Variants in TUBB4A observed in about 807,000 individuals in gnomAD.
TUBB4A encodes tubulin beta-4A chain.
In TUBB4A, 13 loss-of-function variants were observed where a neutral mutation model predicts 35.1. The observed-to-expected ratio is 0.37, with a 90% CI of 0.24 to 0.59. TUBB4A has a LOEUF of 0.59. TUBB4A is among the 20% of genes least tolerant of loss of function. The pLI is 0.71. For missense variants in TUBB4A, 299 were observed against 647.2 expected, an observed-to-expected ratio of 0.46 and a Z score of 5.84; for synonymous variants, 279 against 272.4, an observed-to-expected ratio of 1.02 and a Z score of -0.24.
rs557747150 is a variant in TUBB4A, at chr19:6,501,354, G to A, written c.210C>T (p.Pro70=). The change falls in exon 3 of 4, where the codon CCC becomes CCT. Residue 70 remains proline, a synonymous_variant. Transcript: ENST00000264071. The surrounding 1 kb of genome is among the most constrained non-coding windows in gnomAD (Gnocchi z 4.2). Reference sequence around the variant, plus strand: ...CAGAACGGACAGAGTCCATGGTGCCGGGTTCCAGGTCCACCAGCACCGCTC... The same window carrying A: ...CAGAACGGACAGAGTCCATGGTGCCAGGTTCCAGGTCCACCAGCACCGCTC... ...VPRAVLVDLE[P]GTMDSVRSGP... is the part of the protein sequence containing the mutation. 4.6e-5 allele frequency: 75 copies of A among 1,614,128 alleles called. No homozygotes were observed. The South Asian group carries it at 5.1e-4, about 11-fold the overall frequency.
Position 6,497,462 on chromosome 19 carries a change from C to T in TUBB4A, c.278-1241G>A, listed in dbSNP as rs185383043. Among the ~76,000 whole-genome samples the T allele has an allele frequency of 1.7e-3, 250 of 150,978 alleles. 2 individuals carry two copies. The highest frequency in any genetic ancestry group is 9.7e-4 in the Non-Finnish European group (66 of 67,760). On this transcript the variant is annotated intron_variant, in intron 3 of 3. Coordinates refer to ENST00000264071, the MANE Select transcript of TUBB4A (RefSeq NM_006087.4). The stretch of plus-strand genomic sequence containing the variant: ...TCTTTTTTTTGTAGAGGTGGGGTTT[C>T]GACATGTTGCCCAGGCTGTTCTTGA...
At chr19:6,499,851 G>A (rs913570601) in intron 3 of TUBB4A, among the ~76,000 whole-genome samples, 1 of 150,738 alleles carries the variant, frequency 6.6e-6, no homozygotes, top group African/African-American at 2.5e-5. Context: ...ACGCTGGGGT[G>A]CAGTGTCATG....
intron 3 of TUBB4A, among the ~76,000 whole-genome samples, chr19:6,499,799 T>C (rs1914445562): frequency 8.1e-6 from 1 of 122,772 alleles, no homozygotes; most frequent in Admixed American, 8.0e-5. Flanking sequence ...AGCTTCACAA[T>C]TTTTTTTTTT....
chr19:6,502,245 T>TGGCACGAGCGCGGGGAGCTGCGGCGGC lies in TUBB4A; in HGVS notation c.-60_-34dup. ...GCGCTGAGGGTGGACGCGGCGGCGG[T>TGGCACGAGCGCGGGGAGCTGCGGCGGC]GGCACGAGCGCGGGGAGCTGCGGCG... On this transcript the variant is annotated 5_prime_UTR_variant, in exon 1 of 4. Coordinates refer to ENST00000264071, the MANE Select transcript of TUBB4A (RefSeq NM_006087.4). The TGGCACGAGCGCGGGGAGCTGCGGCGGC allele has an allele frequency of 6.7e-7, 1 of 1,502,100 alleles. No homozygotes were observed. 93.0% of individuals were successfully genotyped at this position (1,502,100 alleles called of 1,614,324 possible). A position where few individuals can be genotyped will look rare whatever the true frequency, so the allele number is the denominator to read the frequency against.
In TUBB4A at chr19:6,495,510, A is replaced by C; in HGVS notation, c.989T>G (p.Met330Arg). 1 of 1,614,164 alleles carries C rather than the reference A, an allele frequency of 6.2e-7. No individual in the cohort carries two copies. Among genetic ancestry groups the C allele is most frequent in the Non-Finnish European group, 8.5e-7 (1 of 1,180,026 alleles). ...RMSMKEVDEQ[M>R]LSVQSKNSSY... Reference sequence around the variant, plus strand: ...GCTGTTCTTGCTCTGCACGCTCAGCATCTGCTCGTCCACCTCCTTCATGGA... The same window carrying C: ...GCTGTTCTTGCTCTGCACGCTCAGCCTCTGCTCGTCCACCTCCTTCATGGA... The change falls in exon 4 of 4, where the codon ATG becomes AGG. Residue 330 changes from methionine (M) to arginine (R), a missense_variant. By Grantham distance (91) the Met-to-Arg change is moderately conservative (BLOSUM62 -1). Transcript: ENST00000264071. This position sits in a 1 kb window ranked among gnomAD's most constrained non-coding sequence, Gnocchi z 8.7.
chr19:6,499,205 G>C (rs1914413865), intron 3 of TUBB4A, among the ~76,000 whole-genome samples: 1 of 152,040 alleles, frequency 6.6e-6, no homozygotes, highest in South Asian at 2.1e-4. Context: ...ATGCATGCCT[G>C]TAGTCCCAGC....
chr19:6,499,568 C>T (rs1392015784), intron 3 of TUBB4A, among the ~76,000 whole-genome samples: 4 of 152,292 alleles, frequency 2.6e-5, no homozygotes, highest in African/African-American at 4.8e-5. Context: ...GCCAGGAAAG[C>T]TTTCCCGGAA....
In TUBB4A at chr19:6,502,103, CGCGGTGCTCCCCGG is replaced by C. The variant is rs553380165; in HGVS notation, c.57+39_57+52del. On this transcript the variant is annotated intron_variant, in intron 1 of 3. Transcript: ENST00000264071. The stretch of plus-strand genomic sequence containing the variant: ...TGCGGGGTGCTCCGGGGACCGACCC[CGCGGTGCTCCCCGG>C]GGCCGCCACTGCCTCCCCGGGCCCC... 2.5e-5 allele frequency: 38 copies of C among 1,512,484 alleles called. No homozygotes were observed. In the East Asian group the frequency reaches 8.9e-4, roughly 35 times the overall value. The allele number at this position is 1,512,484 out of a possible 1,614,324, so 93.7% of individuals were successfully genotyped here. A position where few individuals can be genotyped will look rare whatever the true frequency, so the allele number is the denominator to read the frequency against.
chr19:6,499,544 T>C (rs1914431873), intron 3 of TUBB4A, among the ~76,000 whole-genome samples: 1 of 152,166 alleles, frequency 6.6e-6, no homozygotes, highest in South Asian at 2.1e-4. Context: ...GGTGGGGACA[T>C]GCAGCCAGCT....
Position 6,495,039 on chromosome 19 carries a change from A to T in TUBB4A, c.*125T>A. 8.9e-7 allele frequency: 1 copy of T among 1,125,564 alleles called. No individual in the cohort carries two copies. The highest frequency in any genetic ancestry group is 1.5e-5 in the South Asian group (1 of 65,052). 69.7% of individuals were successfully genotyped at this position (1,125,564 alleles called of 1,614,324 possible). On this transcript the variant is annotated 3_prime_UTR_variant, in exon 4 of 4. Transcript: ENST00000264071. The surrounding 1 kb of genome is among the most constrained non-coding windows in gnomAD (Gnocchi z 8.7). Reference sequence around the variant, plus strand: ...CAGAGGTAAAGCGAGCTCCAAAGGTATTGTTAGGGTCAGCGGGGAGTCAGC... The same window carrying T: ...CAGAGGTAAAGCGAGCTCCAAAGGTTTTGTTAGGGTCAGCGGGGAGTCAGC...
rs533670838 is a variant in TUBB4A at position 6,499,453 on chromosome 19, G to A, written c.277+1834C>T. The stretch of plus-strand genomic sequence containing the variant: ...AAAATGGAAGTAAGAGGCGAGTTGC[G>A]GAAAAGATTCAGAGAGGCAGGACAG... On this transcript the variant is annotated intron_variant, in intron 3 of 3. Transcript: ENST00000264071. 3.9e-5 allele frequency among the ~76,000 whole-genome samples: 6 copies of A among 152,156 alleles called. No individual in the cohort carries two copies. In the South Asian group the frequency reaches 8.3e-4, roughly 21 times the overall value.
Position 6,501,395 on chromosome 19 carries a change from C to T in TUBB4A, c.169G>A (p.Gly57Arg), listed in dbSNP as rs1171777736. The T allele has an allele frequency of 1.2e-6, 2 of 1,613,220 alleles. No homozygotes were observed. The highest frequency in any genetic ancestry group is 3.3e-5 in the Admixed American group (2 of 59,888). ...AGCACCGCTCTGGGGACATAATTTC[C>T]TCCTGCAGGGAAACAGATGGAGGGC... is the stretch of plus-strand genomic sequence containing the variant. ...INVYYNEATG[G>R]NYVPRAVLVD... is the part of the protein sequence containing the mutation. Residue 57 changes from glycine (G) to arginine (R), a missense_variant and splice_region_variant, in exon 3 of 4, where the codon GGA becomes AGA. Physicochemically the swap from Gly to Arg is moderately radical, Grantham distance 125. Coordinates refer to ENST00000264071, the MANE Select transcript of TUBB4A (RefSeq NM_006087.4). This position sits in a 1 kb window ranked among gnomAD's most constrained non-coding sequence, Gnocchi z 4.2.
At chr19:6,502,421 G>A (rs1914585905), upstream of TUBB4A, 1 of 550,600 alleles carries the variant, frequency 1.8e-6, no homozygotes. Flanking sequence ...GGGGGCTGGG[G>A]TGGGGGGAGG....
rs759818650 is a variant in TUBB4A, at chr19:6,495,383, C to T, written c.1116G>A (p.Thr372=). Reference sequence around the variant, plus strand: ...TGCGCTTGAACAGCTCCTGGATGGCCGTGCTGTTGCCGATGAAGGTCGCGG... The same window carrying T: ...TGCGCTTGAACAGCTCCTGGATGGCTGTGCTGTTGCCGATGAAGGTCGCGG... The part of the protein sequence containing the change: ...KMAATFIGNS[T]AIQELFKRIS... Residue 372 remains threonine (T), a synonymous_variant, in exon 4 of 4, where the codon ACG becomes ACA. Transcript: ENST00000264071. This position sits in a 1 kb window ranked among gnomAD's most constrained non-coding sequence, Gnocchi z 8.7. 16 of 1,613,898 alleles carry T rather than the reference C, an allele frequency of 9.9e-6. No individual in the cohort carries two copies. Among genetic ancestry groups the T allele is most frequent in the South Asian group, 8.8e-5 (8 of 91,072 alleles).
chr19:6,497,027 ATATATATATATATATAT>A (rs1568410546), intron 3 of TUBB4A, among the ~76,000 whole-genome samples: 43 of 15,972 alleles, frequency 2.7e-3, no homozygotes, highest in Non-Finnish European at 3.9e-3. Flanking sequence ...AAAAAAAAAT[ATATATATATATATATAT>A]ATATATATAT....
In TUBB4A at chr19:6,494,662, G is replaced by A. The variant is rs1347114553; in HGVS notation, c.*502C>T. On this transcript the variant is annotated 3_prime_UTR_variant, in exon 4 of 4. Coordinates refer to ENST00000264071, the MANE Select transcript of TUBB4A (RefSeq NM_006087.4). ...CATAGAGGGTGAAAGAGAAGTTGGA[G>A]TCAGAGGGGATTCAGAGATCAAAGA... The A allele has an allele frequency of 1.1e-5, 2 of 180,572 alleles. No individual in the cohort carries two copies. The highest frequency in any genetic ancestry group is 1.1e-4 in the Admixed American group (2 of 18,598). The allele number at this position is 180,572 out of a possible 1,614,324, so 11.2% of individuals were successfully genotyped here.
chr19:6,498,168 G>A (rs1253383099), intron 3 of TUBB4A, among the ~76,000 whole-genome samples: 10 of 146,918 alleles, frequency 6.8e-5, no homozygotes, highest in African/African-American at 2.0e-4. Flanking sequence ...CCGAGATCGC[G>A]CCACTGCACT....
In TUBB4A at chr19:6,501,279, G is replaced by C. The variant is rs754993316; in HGVS notation, c.277+8C>G. ...TTCCAGCCTCTGGCTCCCTGCTGGG[G>C]GACTCACCAAACACGAAGTTGTCCG... On this transcript the variant is annotated splice_region_variant and intron_variant, in intron 3 of 3. Transcript: ENST00000264071. The surrounding 1 kb of genome is among the most constrained non-coding windows in gnomAD (Gnocchi z 4.2). The C allele has an allele frequency of 6.2e-7, 1 of 1,612,100 alleles. No individual in the cohort carries two copies. Among genetic ancestry groups the C allele is most frequent in the Non-Finnish European group, 8.5e-7 (1 of 1,178,632 alleles).
In TUBB4A at chr19:6,501,455, T is replaced by C. The variant is rs1419527652; in HGVS notation, c.167-58A>G. On this transcript the variant is annotated intron_variant, in intron 2 of 3. Transcript: ENST00000264071. This position sits in a 1 kb window ranked among gnomAD's most constrained non-coding sequence, Gnocchi z 4.2. ...CGTGCCAGGAACCACAGGCGCCCGG[T>C]AGCATCCTGTTCCCTCCCAGCTGCC... The C allele has an allele frequency of 6.2e-7, 1 of 1,601,754 alleles. No homozygotes were observed. The highest frequency in any genetic ancestry group is 2.2e-5 in the East Asian group (1 of 44,720).
Sources: gnomAD v4.1 joint callset for allele counts (sites outside exome capture counted in the v4.1 genomes callset) on GRCh38, gnomAD v4.1.1 for gene constraint, Gnocchi (gnomAD v3.1) non-coding constraint, MANE v1.5 for transcripts, NCBI Gene and HGNC (gene_info 2026-07-23, HGNC 2026-07-21) for gene names.